Variants in EYS observed in about 807,000 individuals in gnomAD.
The protein encoded by EYS is EGF-like photoreceptor maintenance factor, also known as protein eyes shut homolog.
A neutral mutation model predicts 282.1 loss-of-function variants in EYS; 250 were observed. The ratio of observed to expected loss-of-function variants is 0.89; its 90% CI spans 0.80 to 0.98. The LOEUF (loss-of-function observed/expected upper bound fraction) is 0.98. EYS is among the 50% of genes least tolerant of loss of function. The pLI is 0.00. For missense variants in EYS, 4,016 were observed against 3,709.0 expected, an observed-to-expected ratio of 1.08 and a Z score of -2.15; for synonymous variants, 1,355 against 1,282.9, an observed-to-expected ratio of 1.06 and a Z score of -1.20.
rs530481703 is a variant in EYS, at chr6:65,369,751, G to A, written c.1299+14635C>T. On this transcript the variant is annotated intron_variant, in intron 8 of 42. Coordinates refer to ENST00000503581, the MANE Select transcript of EYS (RefSeq NM_001142800.2). The stretch of plus-strand genomic sequence containing the variant: ...GCAAACTTGGCTTCTATAGCCAAAC[G>A]CCAGTAGCAGCCCTGATCTCTACTT... Among the ~76,000 whole-genome samples, 14 of 151,640 alleles carry A rather than the reference G, an allele frequency of 9.2e-5. No homozygotes were observed. The South Asian group carries it at 1.5e-3, about 16-fold the overall frequency.
chr6:65,457,440 T>C (rs1764667999), intron 5 of EYS, among the ~76,000 whole-genome samples: 1 of 152,064 alleles, frequency 6.6e-6, no homozygotes, highest in East Asian at 1.9e-4. Context: ...GCTAGAATTA[T>C]AGATGTGAGG....
chr6:64,535,779 A>T (rs191203985), intron 26 of EYS, among the ~76,000 whole-genome samples: 216 of 152,196 alleles, frequency 1.4e-3, no homozygotes, highest in Non-Finnish European at 2.7e-3. Flanking sequence ...TAAATTCATT[A>T]AAACATTGAC....
intron 35 of EYS, among the ~76,000 whole-genome samples, chr6:63,925,515 T>G (rs1764690549): frequency 6.6e-6 from 1 of 152,222 alleles, no homozygotes; most frequent in Non-Finnish European, 1.5e-5. Context: ...TCTTTGGCAT[T>G]GTGCTTTTTC....
chr6:65,649,137 C>CAAAA (rs369237730), intron 1 of EYS, among the ~76,000 whole-genome samples: 7 of 72,576 alleles, frequency 9.6e-5, no homozygotes, highest in African/African-American at 2.6e-4. Context: ...GACTCTGTCT[C>CAAAA]AAAAAAAAAA....
Position 64,134,452 on chromosome 6 carries a change from G to A in EYS, c.6425-52450C>T, listed in dbSNP as rs150917414. 6.6e-4 allele frequency among the ~76,000 whole-genome samples: 100 copies of A among 152,104 alleles called. 2 individuals are homozygous for A. The East Asian group carries it at 0.014, about 21-fold the overall frequency. On this transcript the variant is annotated intron_variant, in intron 31 of 42. Coordinates refer to ENST00000503581, the MANE Select transcript of EYS (RefSeq NM_001142800.2). ...ATGAGGGCTCTAAAAAATATGTCTAGTGAAAATATATACCCAGATTAGGGA... is the reference window on the plus strand; with the variant it reads ...ATGAGGGCTCTAAAAAATATGTCTAATGAAAATATATACCCAGATTAGGGA...
chr6:65,566,464 T>C (rs1769285069), intron 2 of EYS, among the ~76,000 whole-genome samples: 1 of 152,174 alleles, frequency 6.6e-6, no homozygotes, highest in Admixed American at 6.5e-5. Context: ...ACTCAATCTG[T>C]TGAGTTGCCC....
chr6:65,257,776 T>A (rs1767509042), intron 12 of EYS, among the ~76,000 whole-genome samples: 1 of 152,046 alleles, frequency 6.6e-6, no homozygotes. Context: ...TCTCACTTAC[T>A]GTATGAGGTA....
intron 36 of EYS, among the ~76,000 whole-genome samples, chr6:63,840,154 C>A (rs112776014): frequency 6.7e-6 from 1 of 149,750 alleles, no homozygotes; most frequent in Non-Finnish European, 1.5e-5. Context: ...TTCATGCCAT[C>A]CTCCTGCCTC....
chr6:64,068,873 A>G (rs1451125191), intron 32 of EYS, among the ~76,000 whole-genome samples: 1 of 151,898 alleles, frequency 6.6e-6, no homozygotes, highest in East Asian at 1.9e-4. Flanking sequence ...TGCCAAAGAG[A>G]CTTTGCAGAT....
At chr6:64,722,195 C>T (rs1277449849) in intron 22 of EYS, among the ~76,000 whole-genome samples, 1 of 151,904 alleles carries the variant, frequency 6.6e-6, no homozygotes, top group Admixed American at 6.6e-5. Flanking sequence ...TAAAAGAAAT[C>T]GTATATATTA....
At chr6:65,172,529 T>C (rs551466855) in intron 12 of EYS, among the ~76,000 whole-genome samples, 1 of 151,448 alleles carries the variant, frequency 6.6e-6, no homozygotes, top group African/African-American at 2.4e-5. Context: ...TGAATATAGA[T>C]GCTGTTACTG....
At chr6:64,461,023 A>G (rs547355105) in intron 26 of EYS, among the ~76,000 whole-genome samples, 1 of 152,348 alleles carries the variant, frequency 6.6e-6, no homozygotes, top group East Asian at 1.9e-4. Flanking sequence ...GCATAGACAC[A>G]CAGAAACATA....
intron 26 of EYS, among the ~76,000 whole-genome samples, chr6:64,488,953 T>G (rs1191446053): frequency 6.6e-6 from 1 of 150,976 alleles, no homozygotes; most frequent in Non-Finnish European, 1.5e-5. Context: ...TATTTGATAT[T>G]ATTTAATCTA....
At chr6:65,181,886 T>G (rs1405022279) in intron 12 of EYS, among the ~76,000 whole-genome samples, 4 of 151,942 alleles carry the variant, frequency 2.6e-5, no homozygotes, top group South Asian at 2.1e-4. Flanking sequence ...CCATAAAAAA[T>G]GATGAGTTCA....
intron 31 of EYS, among the ~76,000 whole-genome samples, chr6:64,176,499 T>TTG (rs111683045): frequency 0.032 from 4,691 of 147,076 alleles, 86 homozygotes; most frequent in Non-Finnish European, 0.042. Flanking sequence ...CATATCACGA[T>TTG]TGTGTGTGTG....
At chr6:64,644,732 AT>A (rs1200844910) in intron 22 of EYS, among the ~76,000 whole-genome samples, 2 of 152,206 alleles carry the variant, frequency 1.3e-5, no homozygotes, top group African/African-American at 4.8e-5. Context: ...CTGAATTGAT[AT>A]AAATGTATAT....
intron 30 of EYS, among the ~76,000 whole-genome samples, chr6:64,295,790 C>G (rs562171960): frequency 1.3e-5 from 2 of 151,568 alleles, no homozygotes; most frequent in South Asian, 4.2e-4. Flanking sequence ...GCATTTGTTG[C>G]CAATGTTACA....
At chr6:64,341,705 T>A (rs1048396712) in intron 29 of EYS, among the ~76,000 whole-genome samples, 1 of 151,674 alleles carries the variant, frequency 6.6e-6, no homozygotes, top group Admixed American at 6.6e-5. Context: ...CTGCATGTCA[T>A]CCCAACTACT....
intron 28 of EYS, among the ~76,000 whole-genome samples, chr6:64,393,522 G>C (rs1284879888): frequency 6.6e-6 from 1 of 151,992 alleles, no homozygotes; most frequent in Non-Finnish European, 1.5e-5. Context: ...CAGAGTCAAA[G>C]ACAAAAACCA....
Sources: allele counts gnomAD v4.1 joint callset (sites outside exome capture counted in the v4.1 genomes callset), GRCh38; gene constraint gnomAD v4.1.1; transcripts MANE v1.5; gene names NCBI Gene and HGNC (gene_info 2026-07-23, HGNC 2026-07-21).